Variants in SLC24A2 observed in about 807,000 individuals in gnomAD.
The protein encoded by SLC24A2 is sodium/potassium/calcium exchanger 2.
Under a neutral mutation model 62.0 loss-of-function variants are expected in SLC24A2, and 36 were observed. The ratio of observed to expected loss-of-function variants is 0.58; its 90% CI spans 0.44 to 0.77. SLC24A2 has a LOEUF of 0.77. Among genes scored for constraint, SLC24A2 ranks in the 30% least tolerant of loss-of-function variants. The pLI is 0.00. For synonymous variants in SLC24A2, 358 were observed against 294.0 expected (o/e 1.22, Z -2.23); for missense variants, 846 against 817.9 (o/e 1.03, Z -0.42).
chr9:19,536,162 G>T (rs1254618095), intron 8 of SLC24A2, among the ~76,000 whole-genome samples: 1 of 148,034 alleles, frequency 6.8e-6, no homozygotes, highest in Non-Finnish European at 1.5e-5. Context: ...TTTTTTATCT[G>T]ATTCTAAGAA....
At chr9:19,686,525 T>C (rs1253070298) in intron 2 of SLC24A2, among the ~76,000 whole-genome samples, 8 of 152,132 alleles carry the variant, frequency 5.3e-5, no homozygotes, top group Non-Finnish European at 8.8e-5. Context: ...TCTCCACGTC[T>C]TGCGGGAGGG....
chr9:20,099,093 C>G, the SLC24A2 span, among the ~76,000 whole-genome samples: 34,774 of 152,162 alleles, frequency 0.23, 4,438 homozygotes, highest in East Asian at 0.58. Context: ...ACAAATTTAG[C>G]TTAGTCACTG....
the SLC24A2 span, among the ~76,000 whole-genome samples, chr9:20,084,804 G>A: frequency 6.6e-6 from 1 of 152,088 alleles, no homozygotes; most frequent in Admixed American, 6.5e-5. Flanking sequence ...AAAGTACCAT[G>A]AGCCTGATTA....
intron 2 of SLC24A2, among the ~76,000 whole-genome samples, chr9:19,776,848 T>G (rs932993380): frequency 6.6e-6 from 1 of 152,158 alleles, no homozygotes; most frequent in African/African-American, 2.4e-5. Context: ...CTCCTAAGGA[T>G]AGAAATGACC....
chr9:19,580,690 A>AT (rs1202582600), intron 5 of SLC24A2, among the ~76,000 whole-genome samples: 1 of 152,186 alleles, frequency 6.6e-6, no homozygotes, highest in East Asian at 1.9e-4. Flanking sequence ...AATGGATGTG[A>AT]TTGAGAGGTA....
the SLC24A2 span, among the ~76,000 whole-genome samples, chr9:20,104,976 AG>A: frequency 6.6e-6 from 1 of 152,248 alleles, no homozygotes; most frequent in South Asian, 2.1e-4. Context: ...AGACACACAT[AG>A]GCTCAAAATA....
chr9:19,610,492 G>A (rs770934834), intron 4 of SLC24A2, among the ~76,000 whole-genome samples: 6 of 152,136 alleles, frequency 3.9e-5, no homozygotes, highest in African/African-American at 9.7e-5. Context: ...GAAAGGAAAC[G>A]AGAGAAGAAC....
intron 4 of SLC24A2, among the ~76,000 whole-genome samples, chr9:19,612,553 T>G (rs550699372): frequency 6.6e-6 from 1 of 152,054 alleles, no homozygotes; most frequent in Admixed American, 6.6e-5. Context: ...AATGAGGAGG[T>G]TGAGGCACAG....
At chr9:19,998,554 CT>C in the SLC24A2 span, among the ~76,000 whole-genome samples, 5 of 152,230 alleles carry the variant, frequency 3.3e-5, no homozygotes, top group Non-Finnish European at 5.9e-5. Flanking sequence ...AAAAGAGCAG[CT>C]TCCTCAGAAG....
intron 2 of SLC24A2, among the ~76,000 whole-genome samples, chr9:19,747,996 G>C (rs148562835): frequency 6.6e-6 from 1 of 152,174 alleles, no homozygotes; most frequent in African/African-American, 2.4e-5. Flanking sequence ...TCCTGCTCCT[G>C]AGTGTGTGCT....
intron 2 of SLC24A2, among the ~76,000 whole-genome samples, chr9:19,745,524 G>C (rs1425621545): frequency 6.6e-6 from 1 of 152,044 alleles, no homozygotes; most frequent in Non-Finnish European, 1.5e-5. Flanking sequence ...AAACTCTGGG[G>C]GTAGATTCAG....
chr9:19,533,647 G>T (rs751953716), intron 8 of SLC24A2, among the ~76,000 whole-genome samples: 1 of 152,184 alleles, frequency 6.6e-6, no homozygotes, highest in Non-Finnish European at 1.5e-5. Flanking sequence ...CAATAGCCCT[G>T]TACCAACCAG....
the SLC24A2 span, among the ~76,000 whole-genome samples, chr9:20,043,699 C>A: frequency 6.6e-6 from 1 of 152,184 alleles, no homozygotes; most frequent in African/African-American, 2.4e-5. Context: ...TGGCCACAAT[C>A]TCATGACAAA....
chr9:19,766,345 G>A (rs1275723389), intron 2 of SLC24A2, among the ~76,000 whole-genome samples: 1 of 152,218 alleles, frequency 6.6e-6, no homozygotes, highest in Non-Finnish European at 1.5e-5. Context: ...CCTTGCTGGT[G>A]AGGAGTTGTG....
intron 2 of SLC24A2, among the ~76,000 whole-genome samples, chr9:19,700,047 C>T (rs1247797802): frequency 6.6e-6 from 1 of 152,122 alleles, no homozygotes; most frequent in Non-Finnish European, 1.5e-5. Context: ...TGGCAATTGA[C>T]GTCTGCCTCA....
At chr9:19,778,209 T>A (rs1450089272) in intron 2 of SLC24A2, among the ~76,000 whole-genome samples, 1 of 152,224 alleles carries the variant, frequency 6.6e-6, no homozygotes, top group Non-Finnish European at 1.5e-5. Flanking sequence ...ACTTGAAATA[T>A]ATTTTTCAAA....
At chr9:19,870,514 G>C in the SLC24A2 span, among the ~76,000 whole-genome samples, 1 of 151,858 alleles carries the variant, frequency 6.6e-6, no homozygotes, top group Non-Finnish European at 1.5e-5. Context: ...ATTTCTCTTG[G>C]GTATATACTT....
chr9:19,798,394 C>T, the SLC24A2 span, among the ~76,000 whole-genome samples: 2 of 152,102 alleles, frequency 1.3e-5, no homozygotes, highest in African/African-American at 2.4e-5. Flanking sequence ...TAGTCCTTTA[C>T]TGAATAAGTT....
the SLC24A2 span, among the ~76,000 whole-genome samples, chr9:20,230,266 G>A: frequency 2.6e-5 from 4 of 152,124 alleles, no homozygotes; most frequent in Non-Finnish European, 5.9e-5. Flanking sequence ...GGATGGCTGG[G>A]TCAAATGGTA....
Sources: gnomAD v4.1 joint callset for allele counts (sites outside exome capture counted in the v4.1 genomes callset) on GRCh38, gnomAD v4.1.1 for gene constraint, MANE v1.5 for transcripts, NCBI Gene and HGNC (gene_info 2026-07-23, HGNC 2026-07-21) for gene names.